Variants in ST6GAL1 observed in about 807,000 individuals in gnomAD.
The protein encoded by ST6GAL1 is beta-galactoside alpha-2,6-sialyltransferase 1.
In ST6GAL1, 20 loss-of-function variants were observed where a neutral mutation model predicts 38.0. The observed-to-expected ratio is 0.53, with a 90% CI of 0.37 to 0.77. ST6GAL1 has a LOEUF of 0.77. ST6GAL1 is among the 30% of genes least tolerant of loss of function. The probability of loss-of-function intolerance (pLI) is 0.00; values close to 1 mark genes in which losing one functional copy is unlikely to be tolerated. For synonymous variants in ST6GAL1, 196 were observed against 188.2 expected, an observed-to-expected ratio of 1.04 and a Z score of -0.34; for missense variants, 432 against 496.4, an observed-to-expected ratio of 0.87 and a Z score of 1.23.
intron 5 of ST6GAL1, among the ~76,000 whole-genome samples, chr3:187,066,607 T>TGTGTG (rs895506207): frequency 4.8e-5 from 7 of 146,306 alleles, no homozygotes; most frequent in Admixed American, 1.3e-4. Context: ...CGTGCGTGTG[T>TGTGTG]GTGTGTGTGT....
At chr3:186,975,158 G>C (rs1715481413) in intron 2 of ST6GAL1, 1 of 153,030 alleles carries the variant, frequency 6.5e-6, no homozygotes, top group African/African-American at 2.4e-5. Flanking sequence ...CGGTGGCCAG[G>C]GTGAATCCAG....
At chr3:186,988,975 C>G (rs1206621949) in intron 2 of ST6GAL1, among the ~76,000 whole-genome samples, 1 of 152,092 alleles carries the variant, frequency 6.6e-6, no homozygotes, top group Non-Finnish European at 1.5e-5. Context: ...GCTAGTGCAC[C>G]TGATTTCAAC....
chr3:186,943,690 C>T (rs1278431418), intron 1 of ST6GAL1, among the ~76,000 whole-genome samples: 4 of 152,164 alleles, frequency 2.6e-5, no homozygotes, highest in Non-Finnish European at 4.4e-5. Context: ...CCTCGTGATC[C>T]GCCCGCCTCA....
intron 2 of ST6GAL1, chr3:187,006,503 G>A (rs1355345854): frequency 2.6e-5 from 4 of 152,230 alleles, no homozygotes; most frequent in South Asian, 4.1e-4. Context: ...GTAGAGTTAC[G>A]GCAACCTGTG....
intron 4 of ST6GAL1, 70 bp from the exon 5 acceptor site, chr3:187,051,179 T>G: frequency 1.4e-5 from 17 of 1,228,000 alleles, no homozygotes; most frequent in Non-Finnish European, 2.0e-5. Context: ...CTCCCCCGCC[T>G]CTCGTCTTTC....
At chr3:186,971,419 T>A (rs944167904) in intron 2 of ST6GAL1, among the ~76,000 whole-genome samples, 1 of 152,222 alleles carries the variant, frequency 6.6e-6, no homozygotes, top group African/African-American at 2.4e-5. Flanking sequence ...TTTTAATAGA[T>A]GTGTAGTGAT....
intron 1 of ST6GAL1, among the ~76,000 whole-genome samples, chr3:186,944,773 A>C (rs1040532669): frequency 1.3e-5 from 2 of 152,362 alleles, no homozygotes; most frequent in Admixed American, 1.3e-4. Flanking sequence ...GTGGGCCTTC[A>C]AAAGGGTAAT....
At chr3:186,958,056 A>G (rs1284147005) in intron 1 of ST6GAL1, among the ~76,000 whole-genome samples, 1 of 152,172 alleles carries the variant, frequency 6.6e-6, no homozygotes, top group African/African-American at 2.4e-5. Context: ...AGAATTAAAA[A>G]AAAAAAAAAG....
chr3:186,964,178 TC>T (rs953884014), intron 2 of ST6GAL1: 4 of 152,190 alleles, frequency 2.6e-5, no homozygotes, highest in African/African-American at 9.7e-5. Flanking sequence ...AAATTTGAAT[TC>T]CCAAGGGAAT....
intron 2 of ST6GAL1, among the ~76,000 whole-genome samples, chr3:187,022,393 T>G: frequency 6.6e-6 from 1 of 152,126 alleles, no homozygotes; most frequent in East Asian, 1.9e-4. Flanking sequence ...TGAGGGGCCT[T>G]ACAAGTCTTA....
intron 4 of ST6GAL1, among the ~76,000 whole-genome samples, chr3:187,048,677 G>A (rs767922737): frequency 8.5e-5 from 13 of 152,084 alleles, no homozygotes; most frequent in Admixed American, 3.3e-4. Flanking sequence ...GCTCACAGGC[G>A]TCGTCTCCCG....
At position 187,048,067 on chromosome 3, in the gene ST6GAL1, C is replaced by T. The variant is rs534240285; in HGVS notation, c.608-3182C>T. On this transcript the variant is annotated intron_variant, in intron 4 of 7. Coordinates refer to ENST00000169298, the MANE Select transcript of ST6GAL1 (RefSeq NM_173216.2). ...ACACCATTCTCCTACCTCAGCCTCC[C>T]GAGTAGCTGGGATTACAGGCGCCTG... Among the ~76,000 whole-genome samples the T allele has an allele frequency of 9.2e-5, 14 of 151,922 alleles. No individual in the cohort carries two copies. In the South Asian group the frequency reaches 2.3e-3, roughly 25 times the overall value.
At chr3:186,973,127 C>T (rs771757457) in intron 2 of ST6GAL1, among the ~76,000 whole-genome samples, 1 of 152,180 alleles carries the variant, frequency 6.6e-6, no homozygotes, top group Non-Finnish European at 1.5e-5. Flanking sequence ...CCTCCGCCTC[C>T]TGGGTTCAAG....
At chr3:186,940,215 C>T (rs142696943) in intron 1 of ST6GAL1, among the ~76,000 whole-genome samples, 90 of 152,274 alleles carry the variant, frequency 5.9e-4, no homozygotes, top group Non-Finnish European at 1.1e-3. Context: ...CAGCCCCTTC[C>T]AGCTCTGAGA....
intron 5 of ST6GAL1, among the ~76,000 whole-genome samples, chr3:187,056,566 A>T (rs926480633): frequency 6.6e-6 from 1 of 152,168 alleles, no homozygotes; most frequent in Non-Finnish European, 1.5e-5. Flanking sequence ...TATGAAGGTT[A>T]GTTTGGCTGG....
At chr3:187,070,324 A>C (rs1234240391) in intron 5 of ST6GAL1, among the ~76,000 whole-genome samples, 1 of 150,806 alleles carries the variant, frequency 6.6e-6, no homozygotes. Context: ...ACACTCACAC[A>C]TTCAGGGGTT....
intron 1 of ST6GAL1, among the ~76,000 whole-genome samples, chr3:186,945,923 G>A (rs548802757): frequency 2.0e-5 from 3 of 149,662 alleles, no homozygotes; most frequent in East Asian, 2.0e-4. Flanking sequence ...CCTGGGAGGC[G>A]GAGCTTGCAG....
At chr3:186,971,791 C>T (rs1715358653) in intron 2 of ST6GAL1, among the ~76,000 whole-genome samples, 1 of 152,198 alleles carries the variant, frequency 6.6e-6, no homozygotes, top group Non-Finnish European at 1.5e-5. Flanking sequence ...CCCTGTTCCT[C>T]CCTGGTGCCA....
At chr3:187,039,789 C>G (rs141742477) in intron 3 of ST6GAL1, among the ~76,000 whole-genome samples, 354 of 152,326 alleles carry the variant, frequency 2.3e-3, no homozygotes, top group Middle Eastern at 0.02. Flanking sequence ...GTGCCTGTGA[C>G]CAGAAACTCC....
Sources: allele counts gnomAD v4.1 joint callset (sites outside exome capture counted in the v4.1 genomes callset), GRCh38; gene constraint gnomAD v4.1.1; transcripts MANE v1.5; gene names NCBI Gene and HGNC (gene_info 2026-07-23, HGNC 2026-07-21).